Variants in GFPT2 observed in about 807,000 individuals in gnomAD.
GFPT2 encodes the protein glutamine--fructose-6-phosphate aminotransferase [isomerizing] 2.
A neutral mutation model predicts 85.6 loss-of-function variants in GFPT2; 62 were observed. The observed-to-expected ratio is 0.72, with a 90% CI of 0.59 to 0.90. GFPT2 has a LOEUF of 0.90. Ranked by LOEUF, GFPT2 falls within the 40% of genes least tolerant of loss-of-function variation. The pLI is 0.00. For synonymous variants in GFPT2, 368 were observed against 344.5 expected, an observed-to-expected ratio of 1.07 and a Z score of -0.75; for missense variants, 788 against 893.4, an observed-to-expected ratio of 0.88 and a Z score of 1.50.
In GFPT2 at chr5:180,324,832, A is replaced by G. The variant is rs1342359629; in HGVS notation, c.660T>C (p.Pro220=). The G allele has an allele frequency of 1.9e-6, 3 of 1,604,510 alleles. No individual in the cohort carries two copies. Among genetic ancestry groups the G allele is most frequent in the Non-Finnish European group, 2.6e-6 (3 of 1,171,242 alleles). Reference sequence around the variant, plus strand: ...GAAACTTACACGTCCTGTATAAGATAGGGATCTGTTCTGTGGAGAGCTTGT... The same window carrying G: ...GAAACTTACACGTCCTGTATAAGATGGGGATCTGTTCTGTGGAGAGCTTGT... ...SKYKLSTEQI[P]ILYRTCTLEN... The change falls in exon 8 of 19, where the codon CCT becomes CCC. Residue 220 remains proline (P), a synonymous_variant. Transcript: ENST00000253778.
In GFPT2 at chr5:180,301,586, G is replaced by A. The variant is rs1295818436; in HGVS notation, c.2027C>T (p.Ala676Val). ...GCCTCATTCCACAGTTACAGACTTG[G>A]CCAGATTTCTGGGGAAGTCAACCTA... is the stretch of plus-strand genomic sequence containing the variant. ...GYDVDFPRNL[A>V]KSVTVE is the part of the protein sequence containing the mutation. Residue 676 changes from alanine to valine, a missense_variant, in exon 19 of 19, where the codon GCC becomes GTC. Physicochemically the swap from Ala to Val is moderately conservative, Grantham distance 64. Transcript: ENST00000253778. The A allele has an allele frequency of 6.2e-7, 1 of 1,613,632 alleles. No individual in the cohort carries two copies. Among genetic ancestry groups the A allele is most frequent in the Admixed American group, 1.7e-5 (1 of 60,022 alleles).
At chr5:180,314,367 C>T (rs575034390) in intron 13 of GFPT2, among the ~76,000 whole-genome samples, 27 of 152,254 alleles carry the variant, frequency 1.8e-4, no homozygotes, top group African/African-American at 5.5e-4. Flanking sequence ...ACAGATTTAA[C>T]ATCTGACAAG....
rs978653121 is a variant in GFPT2, at chr5:180,303,379, C to T, written c.1843-795G>A. Among the ~76,000 whole-genome samples the T allele has an allele frequency of 1.6e-4, 24 of 152,192 alleles. 1 individual carries two copies. Among genetic ancestry groups the T allele is most frequent in the African/African-American group, 4.8e-5 (2 of 41,448 alleles). ...TAAATGATGAGGGGACAACCCTCGG[C>T]GGAGCATTCTGTGGGAAGGGCATTC... On this transcript the variant is annotated intron_variant, in intron 17 of 18. Coordinates refer to ENST00000253778, the MANE Select transcript of GFPT2 (RefSeq NM_005110.4).
chr5:180,304,761 A>G lies in GFPT2; in HGVS notation c.1842+11T>C. The G allele has an allele frequency of 5.0e-6, 8 of 1,609,462 alleles. No homozygotes were observed. Among genetic ancestry groups the G allele is most frequent in the Non-Finnish European group, 6.8e-6 (8 of 1,177,072 alleles). Reference sequence around the variant, plus strand: ...GGAGAGAGCTGGCCCAGTCCAGTGGAGAGCCCTCACCTGGCGGGCCGTGAC... The same window carrying G: ...GGAGAGAGCTGGCCCAGTCCAGTGGGGAGCCCTCACCTGGCGGGCCGTGAC... On this transcript the variant is annotated intron_variant, in intron 17 of 18. Coordinates refer to ENST00000253778, the MANE Select transcript of GFPT2 (RefSeq NM_005110.4).
rs1764258166 is a variant in GFPT2 at position 180,328,871 on chromosome 5, T to C, written c.535-533A>G. Among the ~76,000 whole-genome samples the C allele has an allele frequency of 6.6e-6, 1 of 152,200 alleles. No homozygotes were observed. The highest frequency in any genetic ancestry group is 6.5e-5 in the Admixed American group (1 of 15,278). On this transcript the variant is annotated intron_variant, in intron 6 of 18. Transcript: ENST00000253778. This position sits in a 1 kb window ranked among gnomAD's most constrained non-coding sequence, Gnocchi z 5.4. ...CGGGGCTTCCGTGACGATGATAAGC[T>C]AATGCACTGAGCCTGGCATCCGGAG...
Position 180,318,523 on chromosome 5 carries a change from G to T in GFPT2, c.958+270C>A. 1 of 450,722 alleles carries T rather than the reference G, an allele frequency of 2.2e-6. No individual in the cohort carries two copies. Among genetic ancestry groups the T allele is most frequent in the South Asian group, 3.0e-5 (1 of 33,750 alleles). 27.9% of individuals were successfully genotyped at this position (450,722 alleles called of 1,614,324 possible). A position where few individuals can be genotyped will look rare whatever the true frequency, so the allele number is the denominator to read the frequency against. Reference sequence around the variant, plus strand: ...GGGTGGGCATGTGTCCCGCGGAGTCGGTGAAGGAAGGCAGCTGACACACTG... The same window carrying T: ...GGGTGGGCATGTGTCCCGCGGAGTCTGTGAAGGAAGGCAGCTGACACACTG... On this transcript the variant is annotated intron_variant, in intron 10 of 18. Coordinates refer to ENST00000253778, the MANE Select transcript of GFPT2 (RefSeq NM_005110.4). The surrounding 1 kb of genome is among the most constrained non-coding windows in gnomAD (Gnocchi z 4.2).
intron 14 of GFPT2, among the ~76,000 whole-genome samples, chr5:180,313,594 A>T (rs953608043): frequency 4.7e-5 from 7 of 150,284 alleles, no homozygotes; most frequent in African/African-American, 9.8e-5. Flanking sequence ...CGTCTCAAAA[A>T]AAATAAATAA....
Position 180,312,534 on chromosome 5 carries a change from CT to C in GFPT2, c.1441del (p.Ser481ValfsTer7). ...IGVASTKAYT[S>X]QFISLVMFGL... ...AAACATCACCAGAGAGATGAACTGA[CT>C]GGTATAAGCCTGTGCACAAAGAAGG... On this transcript the variant is annotated frameshift_variant, in exon 15 of 19. Coordinates refer to ENST00000253778, the MANE Select transcript of GFPT2 (RefSeq NM_005110.4). LOFTEE classifies it high-confidence loss of function. 1 of 1,569,692 alleles carries C rather than the reference CT, an allele frequency of 6.4e-7. No individual in the cohort carries two copies. Among genetic ancestry groups the C allele is most frequent in the Non-Finnish European group, 8.8e-7 (1 of 1,139,362 alleles).
intron 1 of GFPT2, 71 bp downstream of exon 1, chr5:180,353,140 C>G (rs1256225933): frequency 1.8e-5 from 21 of 1,199,746 alleles, no homozygotes; most frequent in Non-Finnish European, 2.0e-5. Flanking sequence ...CGGGCGGAGG[C>G]GCGGAGAGGC....
At chr5:180,347,415 C>T (rs1399605573) in intron 1 of GFPT2, among the ~76,000 whole-genome samples, 1 of 152,102 alleles carries the variant, frequency 6.6e-6, no homozygotes, top group African/African-American at 2.4e-5. Context: ...TTCCAGACAG[C>T]CTTTCAGGGC....
chr5:180,311,719 AT>A (rs1204462635), intron 15 of GFPT2, among the ~76,000 whole-genome samples: 10 of 70,934 alleles, frequency 1.4e-4, no homozygotes, highest in African/African-American at 5.8e-4. Flanking sequence ...TGAACAGGGA[AT>A]TTCAGGTCAT....
chr5:180,332,084 G>C (rs1043141746), intron 4 of GFPT2, among the ~76,000 whole-genome samples: 3 of 152,238 alleles, frequency 2.0e-5, no homozygotes, highest in Admixed American at 2.0e-4. Flanking sequence ...AAAAATCCCA[G>C]AAGTTCTGGC....
chr5:180,320,381 C>A (rs993680037), intron 9 of GFPT2, among the ~76,000 whole-genome samples: 1 of 152,070 alleles, frequency 6.6e-6, no homozygotes, highest in Non-Finnish European at 1.5e-5. Context: ...CTTTTAAAAT[C>A]ATTTTAAGTT....
At chr5:180,333,967 C>A (rs868752431) in intron 4 of GFPT2, among the ~76,000 whole-genome samples, 9 of 152,202 alleles carry the variant, frequency 5.9e-5, no homozygotes, top group Admixed American at 1.3e-4. Flanking sequence ...TCTCAGGGCA[C>A]ATGGTCTGGG....
intron 17 of GFPT2, 53 bp from the exon 18 acceptor site, chr5:180,302,637 C>CCAGATACT: frequency 7.1e-7 from 1 of 1,401,588 alleles, no homozygotes; most frequent in Non-Finnish European, 1.0e-6. Flanking sequence ...AGAAGCTATC[C>CCAGATACT]CTGATGCATA....
In GFPT2 at chr5:180,335,910, G is replaced by A. The variant is rs748863299; in HGVS notation, c.258C>T (p.Phe86=). Residue 86 remains phenylalanine (F), a synonymous_variant, in exon 4 of 19, where the codon TTC becomes TTT. Coordinates refer to ENST00000253778, the MANE Select transcript of GFPT2 (RefSeq NM_005110.4). ...TGGCCCAGCGCGTGTGGGCAATGCC[G>A]AAGTGTGTCTCAAACTCCACTTTTA... ...MDLKVEFETH[F]GIAHTRWATH... 1.6e-5 allele frequency: 26 copies of A among 1,575,986 alleles called. No homozygotes were observed. The highest frequency in any genetic ancestry group is 5.5e-5 in the African/African-American group (4 of 72,090).
chr5:180,312,181 GAGGACCAGGGAGGCGGGGAGGCA>G (rs1211582625), intron 15 of GFPT2, among the ~76,000 whole-genome samples: 3,589 of 104,808 alleles, frequency 0.034, 826 homozygotes, highest in African/African-American at 0.049. Context: ...CAGGGAGGCT[GAGGACCAGGGAGGCGGGGAGGCA>G]GGGAGGCAGG....
At position 180,304,757 on chromosome 5, in the gene GFPT2, G is replaced by A. The variant is rs375998002; in HGVS notation, c.1842+15C>T. On this transcript the variant is annotated intron_variant, in intron 17 of 18. Coordinates refer to ENST00000253778, the MANE Select transcript of GFPT2 (RefSeq NM_005110.4). ...AGCAGGAGAGAGCTGGCCCAGTCCA[G>A]TGGAGAGCCCTCACCTGGCGGGCCG... 6.3e-5 allele frequency: 101 copies of A among 1,608,350 alleles called. No individual in the cohort carries two copies. The highest frequency in any genetic ancestry group is 1.0e-4 in the Admixed American group (6 of 59,930).
In GFPT2 at chr5:180,319,005, C is replaced by T. The variant is rs552484086; in HGVS notation, c.795-49G>A. The T allele has an allele frequency of 9.5e-6, 15 of 1,574,278 alleles. No homozygotes were observed. In the African/African-American group the frequency reaches 1.3e-4, roughly 14 times the overall value. On this transcript the variant is annotated intron_variant, in intron 9 of 18. Coordinates refer to ENST00000253778, the MANE Select transcript of GFPT2 (RefSeq NM_005110.4). ...ATCAGTGCCCTGCCCTGAGCAGTTA[C>T]GAGGCAGCAGCCCCTTGCTGGTTCC...
Sources: gnomAD v4.1 joint callset for allele counts (sites outside exome capture counted in the v4.1 genomes callset) on GRCh38, gnomAD v4.1.1 for gene constraint, Gnocchi (gnomAD v3.1) non-coding constraint, MANE v1.5 for transcripts, NCBI Gene and HGNC (gene_info 2026-07-23, HGNC 2026-07-21) for gene names.